The following THSD7A variants were observed in gnomAD, a reference collection of about 807,000 sequenced individuals.
The protein encoded by THSD7A is thrombospondin type 1 domain containing 7A.
A neutral mutation model predicts 231.3 loss-of-function variants in THSD7A; 96 were observed. That is an observed-to-expected ratio of 0.41 (90% CI 0.35 to 0.49). The LOEUF (loss-of-function observed/expected upper bound fraction) is 0.49. THSD7A is among the 20% of genes least tolerant of loss of function. The pLI is 0.05. For missense variants in THSD7A, 2,290 were observed against 2,070.2 expected, an observed-to-expected ratio of 1.11 and a Z score of -2.06; for synonymous variants, 940 against 743.3, an observed-to-expected ratio of 1.26 and a Z score of -4.30.
chr7:11,605,122 C>G (rs752865675), intron 2 of THSD7A, among the ~76,000 whole-genome samples: 5 of 152,012 alleles, frequency 3.3e-5, no homozygotes, highest in Non-Finnish European at 7.4e-5. Flanking sequence ...TTTGAAAATG[C>G]TTTACTTAGA....
chr7:11,444,328 C>T lies in THSD7A; in HGVS notation c.3064+1733G>A, dbSNP rs1189764433. Among the ~76,000 whole-genome samples the T allele has an allele frequency of 1.3e-5, 2 of 152,068 alleles. No individual in the cohort carries two copies. Among genetic ancestry groups the T allele is most frequent in the East Asian group, 3.9e-4 (2 of 5,176 alleles). On this transcript the variant is annotated intron_variant, in intron 13 of 27. Transcript: ENST00000423059. This position sits in a 1 kb window ranked among gnomAD's most constrained non-coding sequence, Gnocchi z 4.2. Reference sequence around the variant, plus strand: ...TATACCCGAAGGATTATAAATCATTCTACTATAAAGACACATGCACACGTA... The same window carrying T: ...TATACCCGAAGGATTATAAATCATTTTACTATAAAGACACATGCACACGTA...
chr7:11,543,151 A>T, intron 4 of THSD7A, 34 bp from the exon 5 acceptor site: 1 of 1,580,340 alleles, frequency 6.3e-7, no homozygotes, highest in African/African-American at 1.4e-5. Flanking sequence ...TTAAAAAATG[A>T]ACAAAAGGAA....
At chr7:11,520,449 T>C (rs1283059588) in intron 6 of THSD7A, among the ~76,000 whole-genome samples, 3 of 152,184 alleles carry the variant, frequency 2.0e-5, no homozygotes, top group Non-Finnish European at 2.9e-5. Flanking sequence ...TAAAATTAAT[T>C]ATATACCTTT....
rs767176301 is a variant in THSD7A, at chr7:11,831,771, T to C, written c.176A>G (p.Tyr59Cys). The C allele has an allele frequency of 2.0e-6, 3 of 1,477,736 alleles. No individual in the cohort carries two copies. Among genetic ancestry groups the C allele is most frequent in the Non-Finnish European group, 1.8e-6 (2 of 1,110,930 alleles). The allele number at this position is 1,477,736 out of a possible 1,614,324, so 91.5% of individuals were successfully genotyped here. The change falls in exon 1 of 28, where the codon TAT (tyrosine) becomes TGT (cysteine). Residue 59 changes from tyrosine to cysteine, a missense_variant. Transcript: ENST00000423059. This position sits in a 1 kb window ranked among gnomAD's most constrained non-coding sequence, Gnocchi z 5.0. ...AQGEAEAPTL[Y>C]LWKTGPWGRC... ...GTCCCACTTACCAGTCTTCCACAGA[T>C]AGAGGGTGGGCGCCTCCGCCTCGCC...
chr7:11,480,762 T>G (rs890232645), intron 7 of THSD7A, among the ~76,000 whole-genome samples: 2 of 152,066 alleles, frequency 1.3e-5, no homozygotes, highest in Non-Finnish European at 2.9e-5. Flanking sequence ...AGATAGCAAA[T>G]TTGACTAGGA....
Position 11,647,466 on chromosome 7 carries a change from G to A in THSD7A, c.191-10505C>T, listed in dbSNP as rs370922659. Among the ~76,000 whole-genome samples the A allele has an allele frequency of 1.4e-4, 22 of 152,020 alleles. No individual in the cohort carries two copies. In the South Asian group the frequency reaches 4.2e-3, roughly 29 times the overall value. ...CCAATCATGCAATCTGTTATTTTTC[G>A]ACTTAAGCCTCTAATAGGCAATACT... is the stretch of plus-strand genomic sequence containing the variant. On this transcript the variant is annotated intron_variant, in intron 1 of 27. Coordinates refer to ENST00000423059, the MANE Select transcript of THSD7A (RefSeq NM_015204.3).
intron 1 of THSD7A, among the ~76,000 whole-genome samples, chr7:11,707,098 C>A (rs902005104): frequency 2.7e-5 from 4 of 150,734 alleles, no homozygotes; most frequent in African/African-American, 9.7e-5. Flanking sequence ...AAACTAAGGG[C>A]TCATATTGAA....
chr7:11,529,231 C>T (rs1160926878), intron 6 of THSD7A, among the ~76,000 whole-genome samples: 2 of 152,102 alleles, frequency 1.3e-5, no homozygotes, highest in Non-Finnish European at 2.9e-5. Context: ...CTCTGTAAAA[C>T]AGGTGAAATA....
intron 19 of THSD7A, among the ~76,000 whole-genome samples, chr7:11,409,478 A>ATTAG (rs1783707243): frequency 3.3e-5 from 5 of 152,238 alleles, no homozygotes; most frequent in Admixed American, 3.3e-4. Flanking sequence ...TATAATTAAA[A>ATTAG]TTAGTTATTT....
At chr7:11,478,361 G>A (rs954258215) in intron 7 of THSD7A, among the ~76,000 whole-genome samples, 2 of 152,050 alleles carry the variant, frequency 1.3e-5, no homozygotes, top group Admixed American at 6.6e-5. Flanking sequence ...CAACCCATGT[G>A]CCCCCTGTCC....
chr7:11,736,321 A>G (rs1288837533), intron 1 of THSD7A, among the ~76,000 whole-genome samples: 1 of 151,968 alleles, frequency 6.6e-6, no homozygotes, highest in Non-Finnish European at 1.5e-5. Context: ...ATGGCCAGGC[A>G]TGGTGACTCA....
In THSD7A at chr7:11,407,319, T is replaced by C; in HGVS notation, c.3903A>G (p.Thr1301=). ...GTACAAACAAACCTGTGAGGCCACA[T>C]GTTTGAGAACATTCTGACCAAGGAG... The part of the protein sequence containing the change: ...DWSPWSECSQ[T]CGLTGKMIRR... Residue 1301 remains threonine, a synonymous_variant, in exon 20 of 28, where the codon ACA becomes ACG. Coordinates refer to ENST00000423059, the MANE Select transcript of THSD7A (RefSeq NM_015204.3). The C allele has an allele frequency of 6.2e-7, 1 of 1,612,684 alleles. No homozygotes were observed. Among genetic ancestry groups the C allele is most frequent in the African/African-American group, 1.3e-5 (1 of 75,036 alleles).
intron 1 of THSD7A, among the ~76,000 whole-genome samples, chr7:11,737,339 CT>C (rs1472922061): frequency 1.2e-4 from 18 of 152,002 alleles, no homozygotes; most frequent in African/African-American, 4.1e-4. Context: ...TTCTTTTGGG[CT>C]TAACATCAGC....
At position 11,636,070 on chromosome 7, in the gene THSD7A, T is replaced by C. The variant is rs1781830953; in HGVS notation, c.1022+60A>G. 1.4e-6 allele frequency: 2 copies of C among 1,458,600 alleles called. No individual in the cohort carries two copies. Among genetic ancestry groups the C allele is most frequent in the Non-Finnish European group, 1.9e-6 (2 of 1,067,378 alleles). 90.4% of individuals were successfully genotyped at this position (1,458,600 alleles called of 1,614,324 possible). On this transcript the variant is annotated intron_variant, in intron 2 of 27. Coordinates refer to ENST00000423059, the MANE Select transcript of THSD7A (RefSeq NM_015204.3). The surrounding 1 kb of genome is among the most constrained non-coding windows in gnomAD (Gnocchi z 10.0). ...AAGTTATTAGATAGTACCGGATATC[T>C]TAGGTACTCATGATTCTTGACAGAC... is the stretch of plus-strand genomic sequence containing the variant.
chr7:11,722,202 C>T (rs560477920), intron 1 of THSD7A, among the ~76,000 whole-genome samples: 6 of 151,892 alleles, frequency 4.0e-5, no homozygotes, highest in South Asian at 2.1e-4. Context: ...AGAATGAAAA[C>T]GGTCCCTCTC....
At chr7:11,704,173 TTCAA>T (rs1211171140) in intron 1 of THSD7A, among the ~76,000 whole-genome samples, 2 of 151,012 alleles carry the variant, frequency 1.3e-5, no homozygotes, top group African/African-American at 4.8e-5. Context: ...TATTTGAAAT[TTCAA>T]TCAAACTTTA....
intron 6 of THSD7A, among the ~76,000 whole-genome samples, chr7:11,494,858 CA>C (rs1224754088): frequency 6.6e-6 from 1 of 151,980 alleles, no homozygotes; most frequent in African/African-American, 2.4e-5. Flanking sequence ...TATAATACAG[CA>C]TTTTCTAAAA....
At chr7:11,805,376 T>C (rs1450594368) in intron 1 of THSD7A, among the ~76,000 whole-genome samples, 5 of 152,164 alleles carry the variant, frequency 3.3e-5, no homozygotes, top group Non-Finnish European at 1.5e-5. Context: ...ATTTTAGTTG[T>C]GGCTGTAATT....
At position 11,577,681 on chromosome 7, in the gene THSD7A, T is replaced by C. The variant is rs78242891; in HGVS notation, c.1453+12779A>G. Among the ~76,000 whole-genome samples, 176 of 151,344 alleles carry C rather than the reference T, an allele frequency of 1.2e-3. 4 individuals are homozygous for C. The East Asian group carries it at 0.03, about 26-fold the overall frequency. On this transcript the variant is annotated intron_variant, in intron 4 of 27. Transcript: ENST00000423059. Reference sequence around the variant, plus strand: ...ATTATTTTAACAACAAGGGCTAAGTTTTCCCAGGCATAAAGCTCCCTATCT... The same window carrying C: ...ATTATTTTAACAACAAGGGCTAAGTCTTCCCAGGCATAAAGCTCCCTATCT...
Sources: gnomAD v4.1 joint callset for allele counts (sites outside exome capture counted in the v4.1 genomes callset) on GRCh38, gnomAD v4.1.1 for gene constraint, Gnocchi (gnomAD v3.1) non-coding constraint, MANE v1.5 for transcripts, NCBI Gene and HGNC (gene_info 2026-07-23, HGNC 2026-07-21) for gene names.